The following MTAP variants were observed in gnomAD, a reference collection of about 807,000 sequenced individuals.
MTAP encodes the protein S-methyl-5'-thioadenosine phosphorylase.
MTAP carries 33 observed loss-of-function variants against 33.6 expected under a neutral mutation model. The ratio of observed to expected loss-of-function variants is 0.98; its 90% confidence interval spans 0.74 to 1.31. The LOEUF (loss-of-function observed/expected upper bound fraction) is 1.31. MTAP is among the 40% of genes most tolerant of loss of function. The pLI is 0.00. For missense variants in MTAP, 367 were observed against 360.0 expected, an observed-to-expected ratio of 1.02 and a Z score of -0.16; for synonymous variants, 148 against 125.7, an observed-to-expected ratio of 1.18 and a Z score of -1.19.
intron 6 of MTAP, among the ~76,000 whole-genome samples, chr9:21,855,680 G>C (rs994538796): frequency 3.9e-5 from 6 of 152,064 alleles, no homozygotes; most frequent in Admixed American, 3.9e-4. Context: ...TGAGGACACT[G>C]GAACAATGAG....
At chr9:21,811,848 C>G (rs1205983536) in intron 1 of MTAP, 2 of 447,524 alleles carry the variant, frequency 4.5e-6, no homozygotes, top group South Asian at 3.4e-5. Flanking sequence ...GTGTTGTTGC[C>G]AGTGAAGGTG....
At chr9:21,937,711 T>A (rs1819063794), downstream of MTAP, 1 of 152,260 alleles carries the variant, frequency 6.6e-6, no homozygotes, top group South Asian at 2.1e-4. Flanking sequence ...TTTAATCAAG[T>A]GTTTAAAACA....
chr9:21,867,987 C>G (rs1329507102), downstream of MTAP, among the ~76,000 whole-genome samples: 2 of 151,918 alleles, frequency 1.3e-5, no homozygotes, highest in African/African-American at 4.8e-5. Flanking sequence ...ATGTTCATGA[C>G]AAAAGGGGAA....
At chr9:21,918,320 A>G (rs1818728084) in intron 1 of MTAP, among the ~76,000 whole-genome samples, 2 of 109,990 alleles carry the variant, frequency 1.8e-5, no homozygotes, top group Admixed American at 2.2e-4. Context: ...ACTGCACTCC[A>G]GCCTGGGCGA....
chr9:21,908,294 A>G (rs976307874), intron 1 of MTAP, among the ~76,000 whole-genome samples: 12 of 152,242 alleles, frequency 7.9e-5, no homozygotes, highest in African/African-American at 2.6e-4. Flanking sequence ...GCCTGTATCA[A>G]TATTTTTATT....
Position 21,827,070 on chromosome 9 carries a change from C to T in MTAP, c.347+8868C>T, listed in dbSNP as rs190275365. Among the ~76,000 whole-genome samples, 233 of 152,304 alleles carry T rather than the reference C, an allele frequency of 1.5e-3. 2 individuals carry two copies. Among genetic ancestry groups the T allele is most frequent in the South Asian group, 0.013 (64 of 4,826 alleles). On this transcript the variant is annotated intron_variant, in intron 4 of 7. Transcript: ENST00000644715. The stretch of plus-strand genomic sequence containing the variant: ...GTGGAAAAATTATCTTCCATGAAAT[C>T]AGTCCCCGGTGCCAAAAAGATTAGG...
Position 21,863,496 on chromosome 9 carries a change from A to G in MTAP, c.*1482A>G, listed in dbSNP as rs560361151. 53 of 507,612 alleles carry G rather than the reference A, an allele frequency of 1.0e-4. No individual in the cohort carries two copies. The highest frequency in any genetic ancestry group is 5.7e-4 in the Admixed American group (9 of 15,692). The allele number at this position is 507,612 out of a possible 1,614,324, so 31.4% of individuals were successfully genotyped here. On this transcript the variant is annotated 3_prime_UTR_variant, in exon 8 of 8. Transcript: ENST00000644715. ...GTGGTGGGCACCTGTAGTCCCAGCTACTCAGGAGGCTGAGGCAGGAGAATG... is the reference window on the plus strand; with the variant it reads ...GTGGTGGGCACCTGTAGTCCCAGCTGCTCAGGAGGCTGAGGCAGGAGAATG...
chr9:21,897,382 G>A (rs1276450220), intron 1 of MTAP, among the ~76,000 whole-genome samples: 1 of 151,668 alleles, frequency 6.6e-6, no homozygotes, highest in African/African-American at 2.4e-5. Flanking sequence ...TCTAGCCAGG[G>A]CAATCAGGCA....
intron 1 of MTAP, among the ~76,000 whole-genome samples, chr9:21,912,986 A>T (rs1383512726): frequency 6.6e-6 from 1 of 152,090 alleles, no homozygotes; most frequent in East Asian, 1.9e-4. Flanking sequence ...TTATACACCA[A>T]TAACAGACAG....
intron 1 of MTAP, chr9:21,892,098 T>C (rs1818210425): frequency 6.6e-6 from 1 of 152,148 alleles, no homozygotes; most frequent in Non-Finnish European, 1.5e-5. Context: ...ACCATCAGAC[T>C]TACCATACAA....
At chr9:21,841,993 G>C (rs1343090122) in intron 5 of MTAP, among the ~76,000 whole-genome samples, 8 of 152,178 alleles carry the variant, frequency 5.3e-5, no homozygotes, top group Non-Finnish European at 1.0e-4. Flanking sequence ...GGAAATAGCA[G>C]AGAAAGGTAA....
chr9:21,817,371 C>T (rs1240942877), intron 3 of MTAP, among the ~76,000 whole-genome samples: 1 of 152,026 alleles, frequency 6.6e-6, no homozygotes, highest in Non-Finnish European at 1.5e-5. Flanking sequence ...TCTGGCACAG[C>T]TTAGCCAGTC....
downstream of MTAP, among the ~76,000 whole-genome samples, chr9:21,869,181 A>T (rs533058220): frequency 6.6e-6 from 1 of 152,148 alleles, no homozygotes; most frequent in African/African-American, 2.4e-5. Flanking sequence ...TTTCATTGGC[A>T]TAAAATCCCT....
chr9:21,885,144 A>G (rs1289882939), intron 1 of MTAP, among the ~76,000 whole-genome samples: 1 of 152,156 alleles, frequency 6.6e-6, no homozygotes, highest in Non-Finnish European at 1.5e-5. Flanking sequence ...TATATGTGTT[A>G]CATCTTTTAA....
At position 21,863,311 on chromosome 9, in the gene MTAP, G is replaced by C. The variant is rs1025220479; in HGVS notation, c.*1297G>C. The C allele has an allele frequency of 7.1e-6, 7 of 984,412 alleles. No individual in the cohort carries two copies. The highest frequency in any genetic ancestry group is 7.2e-6 in the Non-Finnish European group (6 of 829,248). 61.0% of individuals were successfully genotyped at this position (984,412 alleles called of 1,614,324 possible). ...ACTCTTTTTTTATTGTTATTTTATA[G>C]AAATGCTTTTTGTTGGCCGGGCACA... On this transcript the variant is annotated 3_prime_UTR_variant, in exon 8 of 8. Transcript: ENST00000644715.
Position 21,832,698 on chromosome 9 carries a change from T to A in MTAP, c.348-5210T>A, listed in dbSNP as rs188910130. ...TCTGTTCCATAACCTAGTTGTGTTA[T>A]TAACTTCCCATCATACATCCTTTTA... On this transcript the variant is annotated intron_variant, in intron 4 of 7. Coordinates refer to ENST00000644715, the MANE Select transcript of MTAP (RefSeq NM_002451.4). Among the ~76,000 whole-genome samples, 15 of 152,340 alleles carry A rather than the reference T, an allele frequency of 9.8e-5. No individual in the cohort carries two copies. In the East Asian group the frequency reaches 2.7e-3, roughly 27 times the overall value.
intron 1 of MTAP, among the ~76,000 whole-genome samples, chr9:21,890,158 G>C (rs946101030): frequency 1.3e-5 from 2 of 152,052 alleles, no homozygotes; most frequent in Admixed American, 6.6e-5. Flanking sequence ...TAAGCCGATG[G>C]AGTTATGTTC....
chr9:21,866,115 G>A lies in MTAP; in HGVS notation c.*4101G>A, dbSNP rs1292775129. 6.6e-6 allele frequency: 1 copy of A among 152,024 alleles called. No homozygotes were observed. Among genetic ancestry groups the A allele is most frequent in the Non-Finnish European group, 1.5e-5 (1 of 68,008 alleles). The allele number at this position is 152,024 out of a possible 1,614,324, so 9.4% of individuals were successfully genotyped here. A position where few individuals can be genotyped will look rare whatever the true frequency, so the allele number is the denominator to read the frequency against. ...ATTGGGTATATTTTGATATCTCGTG[G>A]TTTTGATTTGCATTTTTCTGATTAA... On this transcript the variant is annotated 3_prime_UTR_variant, in exon 8 of 8. Coordinates refer to ENST00000644715, the MANE Select transcript of MTAP (RefSeq NM_002451.4).
At chr9:21,930,533 G>T in intron 1 of MTAP, 1 of 272,110 alleles carries the variant, frequency 3.7e-6, no homozygotes, top group Non-Finnish European at 6.8e-6. Flanking sequence ...CCTTCTTATG[G>T]GCCTCAGCAT....
Sources: allele counts gnomAD v4.1 joint callset (sites outside exome capture counted in the v4.1 genomes callset), GRCh38; gene constraint gnomAD v4.1.1; transcripts MANE v1.5; gene names NCBI Gene and HGNC (gene_info 2026-07-23, HGNC 2026-07-21).